CCDC91: variants seen among roughly 807,000 people sequenced by gnomAD.
CCDC91 encodes the protein coiled-coil domain-containing protein 91.
A neutral mutation model predicts 63.2 loss-of-function variants in CCDC91; 48 were observed. The observed-to-expected ratio is 0.76, with a 90% confidence interval of 0.60 to 0.97. CCDC91 has a LOEUF of 0.97. Among genes scored for constraint, CCDC91 ranks in the 50% least tolerant of loss-of-function variants. CCDC91 has a pLI of 0.00. For synonymous variants in CCDC91, 167 were observed against 165.8 expected (o/e 1.01, Z -0.06); for missense variants, 500 against 494.6 (o/e 1.01, Z -0.10).
chr12:28,452,165 C>A (rs1000613969), intron 10 of CCDC91, among the ~76,000 whole-genome samples: 20 of 151,260 alleles, frequency 1.3e-4, no homozygotes, highest in Middle Eastern at 3.2e-3. Context: ...TAAACAAAAT[C>A]TCTTTGATAT....
intron 11 of CCDC91, among the ~76,000 whole-genome samples, chr12:28,454,007 T>C (rs1949942165): frequency 6.6e-6 from 1 of 152,146 alleles, no homozygotes. Context: ...ACATGCAGTA[T>C]ATGATACACT....
At chr12:28,289,719 T>C (rs1277904376) in intron 3 of CCDC91, among the ~76,000 whole-genome samples, 1 of 120,964 alleles carries the variant, frequency 8.3e-6, no homozygotes, top group Non-Finnish European at 1.6e-5. Flanking sequence ...GACGACGGAG[T>C]CTCACTCTGT....
intron 1 of CCDC91, among the ~76,000 whole-genome samples, chr12:28,194,001 T>C (rs1941511709): frequency 6.6e-6 from 1 of 152,218 alleles, no homozygotes; most frequent in South Asian, 2.1e-4. Context: ...AGTTTGTCCT[T>C]TCATTTTCTT....
At chr12:28,296,664 G>A (rs1300503532) in intron 3 of CCDC91, among the ~76,000 whole-genome samples, 1 of 151,224 alleles carries the variant, frequency 6.6e-6, no homozygotes, top group Admixed American at 6.6e-5. Flanking sequence ...ATATATCAAG[G>A]GTCATTTCCT....
intron 3 of CCDC91, among the ~76,000 whole-genome samples, chr12:28,289,913 C>T (rs1431292937): frequency 4.6e-5 from 7 of 151,792 alleles, no homozygotes; most frequent in Admixed American, 3.3e-4. Flanking sequence ...AGGATGGTCT[C>T]GATCTCCTGA....
At chr12:28,354,640 G>A (rs1943406996) in intron 6 of CCDC91, among the ~76,000 whole-genome samples, 1 of 152,112 alleles carries the variant, frequency 6.6e-6, no homozygotes, top group African/African-American at 2.4e-5. Flanking sequence ...GTGATTTTTA[G>A]TATTCAGCCA....
intron 1 of CCDC91, among the ~76,000 whole-genome samples, chr12:28,209,999 A>G (rs1427137799): frequency 1.3e-5 from 2 of 152,188 alleles, no homozygotes; most frequent in Non-Finnish European, 2.9e-5. Flanking sequence ...ACTTCCGTAG[A>G]CCATCTACAA....
chr12:28,347,483 C>G (rs1302300776), intron 6 of CCDC91, among the ~76,000 whole-genome samples: 3 of 152,164 alleles, frequency 2.0e-5, no homozygotes, highest in Non-Finnish European at 4.4e-5. Flanking sequence ...TTAAGTTTAC[C>G]AAGTACCTCT....
intron 7 of CCDC91, among the ~76,000 whole-genome samples, chr12:28,364,868 A>C (rs778592512): frequency 1.2e-4 from 18 of 152,284 alleles, no homozygotes; most frequent in Admixed American, 2.6e-4. Flanking sequence ...CCATATTATT[A>C]TGAAAGCTGA....
At chr12:28,476,057 C>A (rs904609685) in intron 11 of CCDC91, among the ~76,000 whole-genome samples, 3 of 151,802 alleles carry the variant, frequency 2.0e-5, no homozygotes, top group Non-Finnish European at 2.9e-5. Context: ...AGTTCATTAC[C>A]CCCAAATCAC....
intron 8 of CCDC91, among the ~76,000 whole-genome samples, chr12:28,413,150 C>T (rs1457410594): frequency 6.6e-6 from 1 of 152,042 alleles, no homozygotes; most frequent in Non-Finnish European, 1.5e-5. Flanking sequence ...TAAGCTAGAA[C>T]TCAGAACCAC....
chr12:28,366,801 G>A (rs1944304166), intron 7 of CCDC91, among the ~76,000 whole-genome samples: 1 of 152,036 alleles, frequency 6.6e-6, no homozygotes, highest in African/African-American at 2.4e-5. Context: ...TGGTTTGTGG[G>A]GAACAATAAT....
chr12:28,400,889 T>G (rs1252777150), intron 8 of CCDC91, among the ~76,000 whole-genome samples: 1 of 152,196 alleles, frequency 6.6e-6, no homozygotes, highest in Non-Finnish European at 1.5e-5. Flanking sequence ...ATTGTCCATA[T>G]CACTATCAGC....
chr12:28,401,970 A>G (rs1324707716), intron 8 of CCDC91, among the ~76,000 whole-genome samples: 1 of 152,192 alleles, frequency 6.6e-6, no homozygotes, highest in African/African-American at 2.4e-5. Flanking sequence ...AATACCATTT[A>G]TAGAAAAGAC....
chr12:28,425,131 G>C (rs192501268), intron 8 of CCDC91, among the ~76,000 whole-genome samples: 130 of 152,188 alleles, frequency 8.5e-4, no homozygotes, highest in Admixed American at 3.1e-3. Context: ...CCCCGCACCA[G>C]ACTTGGTGCA....
intron 3 of CCDC91, among the ~76,000 whole-genome samples, chr12:28,304,271 G>A (rs1592254394): frequency 6.6e-6 from 1 of 150,704 alleles, no homozygotes; most frequent in South Asian, 2.1e-4. Context: ...CAGCTACTTG[G>A]GAGGCTGAGG....
At chr12:28,368,256 GA>G (rs1274435159) in intron 7 of CCDC91, among the ~76,000 whole-genome samples, 5 of 152,246 alleles carry the variant, frequency 3.3e-5, no homozygotes, top group Non-Finnish European at 7.4e-5. Flanking sequence ...AACAAGTGCT[GA>G]AAAAAGAACT....
At chr12:28,358,917 A>G (rs1264658226) in intron 6 of CCDC91, among the ~76,000 whole-genome samples, 2 of 152,064 alleles carry the variant, frequency 1.3e-5, no homozygotes, top group Non-Finnish European at 2.9e-5. Context: ...TCTTTTTGAG[A>G]CAGAGTCTTG....
At chr12:28,283,714 G>T (rs1265582300) in intron 3 of CCDC91, among the ~76,000 whole-genome samples, 2 of 152,048 alleles carry the variant, frequency 1.3e-5, no homozygotes, top group African/African-American at 4.8e-5. Context: ...TGTGTTTTAT[G>T]TATAGCTTAT....
Sources: gnomAD v4.1 joint callset for allele counts (sites outside exome capture counted in the v4.1 genomes callset) on GRCh38, gnomAD v4.1.1 for gene constraint, MANE v1.5 for transcripts, NCBI Gene and HGNC (gene_info 2026-07-23, HGNC 2026-07-21) for gene names.